The following HS6ST3 variants were observed in gnomAD, a reference collection of about 807,000 sequenced individuals.
HS6ST3 encodes heparan sulfate 6-O-sulfotransferase 3, also known as heparan-sulfate 6-O-sulfotransferase 3.
HS6ST3 carries 12 observed loss-of-function variants against 36.7 expected under a neutral mutation model. The ratio of observed to expected loss-of-function variants is 0.33; its 90% confidence interval spans 0.21 to 0.53. The LOEUF (loss-of-function observed/expected upper bound fraction) is 0.53. Ranked by LOEUF, HS6ST3 falls within the 20% of genes least tolerant of loss-of-function variation. The pLI, the probability that HS6ST3 is intolerant of heterozygous loss-of-function variation, is 0.95. For synonymous variants in HS6ST3, 240 were observed against 257.5 expected (o/e 0.93, Z 0.65); for missense variants, 584 against 640.9 (o/e 0.91, Z 0.96).
intron 1 of HS6ST3, among the ~76,000 whole-genome samples, chr13:96,295,121 T>C (rs895949963): frequency 6.6e-6 from 1 of 152,114 alleles, no homozygotes; most frequent in Non-Finnish European, 1.5e-5. Context: ...TGGGCTTTAC[T>C]TCGCAGCTGT....
chr13:96,739,228 TGTGTGTGTGTGTG>T (rs1566442207), intron 1 of HS6ST3, among the ~76,000 whole-genome samples: 6 of 98,684 alleles, frequency 6.1e-5, no homozygotes, highest in African/African-American at 2.4e-4. Context: ...CTTGTGTGTG[TGTGTGTGTGTGTG>T]TGTGTGTGTG....
chr13:96,556,315 A>G (rs1284280925), intron 1 of HS6ST3, among the ~76,000 whole-genome samples: 1 of 152,210 alleles, frequency 6.6e-6, no homozygotes, highest in Non-Finnish European at 1.5e-5. Flanking sequence ...GACTTAAAAG[A>G]AGAAACCCCG....
chr13:96,787,155 T>C lies in HS6ST3; in HGVS notation c.708-45335T>C, dbSNP rs77056271. Among the ~76,000 whole-genome samples, 18 of 152,304 alleles carry C rather than the reference T, an allele frequency of 1.2e-4. No homozygotes were observed. In the East Asian group the frequency reaches 3.5e-3, roughly 29 times the overall value. ...GGGAGATTTGGATTGTTTCCAGTTT[T>C]TAACAATTATGGGCTGAGTAACTAT... On this transcript the variant is annotated intron_variant, in intron 1 of 1. Coordinates refer to ENST00000376705, the MANE Select transcript of HS6ST3 (RefSeq NM_153456.4).
chr13:96,392,647 G>T (rs1021340181), intron 1 of HS6ST3, among the ~76,000 whole-genome samples: 2 of 152,174 alleles, frequency 1.3e-5, no homozygotes, highest in Non-Finnish European at 2.9e-5. Context: ...AAATGGGTGC[G>T]CAGTCTGTGC....
In HS6ST3 at chr13:96,696,427, G is replaced by C. The variant is rs530317070; in HGVS notation, c.708-136063G>C. 2.6e-5 allele frequency among the ~76,000 whole-genome samples: 4 copies of C among 152,332 alleles called. No individual in the cohort carries two copies. The East Asian group carries it at 7.7e-4, about 29-fold the overall frequency. ...TAACTGGGAACTGTGGCCTGGCCAA[G>C]TTGACACTTAAGACTGACCATCGCA... is the stretch of plus-strand genomic sequence containing the variant. On this transcript the variant is annotated intron_variant, in intron 1 of 1. Transcript: ENST00000376705.
chr13:96,516,968 C>T (rs1594798140), intron 1 of HS6ST3, among the ~76,000 whole-genome samples: 1 of 152,150 alleles, frequency 6.6e-6, no homozygotes, highest in Admixed American at 6.5e-5. Flanking sequence ...CTACAACCAG[C>T]GGGACACATG....
At chr13:96,149,875 A>G (rs977288027) in intron 1 of HS6ST3, among the ~76,000 whole-genome samples, 1 of 152,240 alleles carries the variant, frequency 6.6e-6, no homozygotes, top group Non-Finnish European at 1.5e-5. Flanking sequence ...GAATGACTCA[A>G]TTAATTCTAT....
At chr13:96,203,857 G>T (rs1322425818) in intron 1 of HS6ST3, among the ~76,000 whole-genome samples, 1 of 152,124 alleles carries the variant, frequency 6.6e-6, no homozygotes, top group East Asian at 1.9e-4. Context: ...TATTATAAAA[G>T]AAATGAAATG....
At chr13:96,762,464 A>G (rs1458143356) in intron 1 of HS6ST3, among the ~76,000 whole-genome samples, 1 of 152,222 alleles carries the variant, frequency 6.6e-6, no homozygotes, top group Non-Finnish European at 1.5e-5. Context: ...TAGGTGACAG[A>G]GTGAGACTCC....
chr13:96,112,594 T>TATATATATAG lies in HS6ST3; in HGVS notation c.707+21034_707+21035insGATATATATA, dbSNP rs1566884928. Among the ~76,000 whole-genome samples, 3 of 68,372 alleles carry TATATATATAG rather than the reference T, an allele frequency of 4.4e-5. No homozygotes were observed. The East Asian group carries it at 1.3e-3, about 30-fold the overall frequency. The allele number at this position is 68,372 out of a possible 152,430, so 44.9% of individuals were successfully genotyped here. A position where few individuals can be genotyped will look rare whatever the true frequency, so the allele number is the denominator to read the frequency against. On this transcript the variant is annotated intron_variant, in intron 1 of 1. Coordinates refer to ENST00000376705, the MANE Select transcript of HS6ST3 (RefSeq NM_153456.4). The stretch of plus-strand genomic sequence containing the variant: ...AAATAAATAAATATATATATATATA[T>TATATATATAG]ATATATATATATATATATATATATA...
At chr13:96,463,417 G>T (rs936952888) in intron 1 of HS6ST3, among the ~76,000 whole-genome samples, 1 of 152,060 alleles carries the variant, frequency 6.6e-6, no homozygotes, top group Admixed American at 6.6e-5. Context: ...GAGTGAAATT[G>T]GGTGCCTGCC....
chr13:96,201,566 T>C (rs1043660228), intron 1 of HS6ST3, among the ~76,000 whole-genome samples: 3 of 152,210 alleles, frequency 2.0e-5, no homozygotes, highest in Non-Finnish European at 4.4e-5. Flanking sequence ...TCAAGGTATA[T>C]GGCTCTAAGA....
intron 1 of HS6ST3, among the ~76,000 whole-genome samples, chr13:96,247,902 A>G (rs2139375868): frequency 6.6e-6 from 1 of 152,328 alleles, no homozygotes; most frequent in East Asian, 1.9e-4. Flanking sequence ...TCTTAAGGTT[A>G]TAGGGATAGG....
intron 1 of HS6ST3, among the ~76,000 whole-genome samples, chr13:96,217,803 T>C (rs971125980): frequency 6.6e-6 from 1 of 152,144 alleles, no homozygotes; most frequent in Non-Finnish European, 1.5e-5. Flanking sequence ...TGCATATACA[T>C]GTGTATATAT....
chr13:96,094,597 A>C (rs1017650763), intron 1 of HS6ST3, among the ~76,000 whole-genome samples: 4 of 152,230 alleles, frequency 2.6e-5, no homozygotes, highest in Non-Finnish European at 5.9e-5. Context: ...CGTTGGTAAC[A>C]CAAAAACTAT....
chr13:96,670,536 G>A (rs1436355971), intron 1 of HS6ST3, among the ~76,000 whole-genome samples: 6 of 152,116 alleles, frequency 3.9e-5, no homozygotes, highest in African/African-American at 1.4e-4. Context: ...ATGCTGGAGA[G>A]AAAGGAGGTT....
At chr13:96,161,454 G>C (rs2054135443) in intron 1 of HS6ST3, among the ~76,000 whole-genome samples, 1 of 152,144 alleles carries the variant, frequency 6.6e-6, no homozygotes, top group South Asian at 2.1e-4. Flanking sequence ...TTTGTGAAGA[G>C]ATGCAGTGAG....
rs558433698 is a variant in HS6ST3, at chr13:96,623,398, G to A, written c.708-209092G>A. ...GGATTAGGCTTTAAACTTTGCTTAC[G>A]AACCCAGTTATAGCTTTCTAACTTT... On this transcript the variant is annotated intron_variant, in intron 1 of 1. Coordinates refer to ENST00000376705, the MANE Select transcript of HS6ST3 (RefSeq NM_153456.4). Among the ~76,000 whole-genome samples, 7 of 151,684 alleles carry A rather than the reference G, an allele frequency of 4.6e-5. No individual in the cohort carries two copies. The South Asian group carries it at 6.3e-4, about 14-fold the overall frequency.
intron 1 of HS6ST3, among the ~76,000 whole-genome samples, chr13:96,166,571 C>CTTTCTTTTTTTTTT (rs2054161179): frequency 7.1e-6 from 1 of 140,538 alleles, no homozygotes; most frequent in African/African-American, 2.7e-5. Context: ...TTCTTTCTTT[C>CTTTCTTTTTTTTTT]TTTCTTTTTT....
Sources: allele counts gnomAD v4.1 joint callset (sites outside exome capture counted in the v4.1 genomes callset), GRCh38; gene constraint gnomAD v4.1.1; transcripts MANE v1.5; gene names NCBI Gene and HGNC (gene_info 2026-07-23, HGNC 2026-07-21).